PKD2L1: variants seen among roughly 807,000 people sequenced by gnomAD.
PKD2L1 encodes the protein polycystin-2-like protein 1.
A neutral mutation model predicts 93.0 loss-of-function variants in PKD2L1; 77 were observed. That is an observed-to-expected ratio of 0.83 (90% CI 0.69 to 1.00). The LOEUF (loss-of-function observed/expected upper bound fraction) is 1.00, where lower values mean the gene tolerates loss of function less well. Among genes scored for constraint, PKD2L1 ranks in the 50% least tolerant of loss-of-function variants. The probability of loss-of-function intolerance (pLI) is 0.00; values close to 1 mark genes in which losing one functional copy is unlikely to be tolerated. For missense variants in PKD2L1, 977 were observed against 990.9 expected, an observed-to-expected ratio of 0.99 and a Z score of 0.19; for synonymous variants, 390 against 388.0, an observed-to-expected ratio of 1.01 and a Z score of -0.06.
intron 11 of PKD2L1, among the ~76,000 whole-genome samples, chr10:100,292,479 C>A (rs1447368720): frequency 6.8e-6 from 1 of 147,756 alleles, no homozygotes; most frequent in African/African-American, 2.6e-5. Context: ...GGCAACAGAG[C>A]AGGACTTTGT....
intron 2 of PKD2L1, among the ~76,000 whole-genome samples, chr10:100,321,662 GAAAAGAAAGAAAGAAAGAAA>G (rs1849230844): frequency 1.0e-5 from 1 of 99,818 alleles, no homozygotes; most frequent in Non-Finnish European, 1.9e-5. Context: ...AACAGAGTGA[GAAAAGAAAGAAAGAAAGAAA>G]GAAAGAAAGA....
At chr10:100,320,923 C>G (rs1849212647) in intron 2 of PKD2L1, among the ~76,000 whole-genome samples, 1 of 151,996 alleles carries the variant, frequency 6.6e-6, no homozygotes, top group Admixed American at 6.5e-5. Context: ...TTATCAATTC[C>G]CAAGGAAATA....
intron 2 of PKD2L1, among the ~76,000 whole-genome samples, chr10:100,328,043 G>C (rs1369726471): frequency 3.3e-5 from 5 of 152,158 alleles, no homozygotes; most frequent in African/African-American, 1.2e-4. Flanking sequence ...GCGGAGCCTA[G>C]AACACCTACT....
At chr10:100,298,846 A>G in intron 3 of PKD2L1, 31 bp from the exon 4 acceptor site, 1 of 1,591,344 alleles carries the variant, frequency 6.3e-7, no homozygotes, top group Non-Finnish European at 8.6e-7. Context: ...AACCTTACCC[A>G]GCCTCCTCCT....
At chr10:100,322,547 T>G (rs1374906432) in intron 2 of PKD2L1, among the ~76,000 whole-genome samples, 1 of 151,936 alleles carries the variant, frequency 6.6e-6, no homozygotes, top group African/African-American at 2.4e-5. Flanking sequence ...ATAATACAAC[T>G]AGGTAAGAAT....
chr10:100,292,855 TA>T, intron 11 of PKD2L1, 92 bp downstream of exon 11: 1 of 1,395,546 alleles, frequency 7.2e-7, no homozygotes, highest in African/African-American at 1.4e-5. Flanking sequence ...GCCCCTAAAC[TA>T]AAACCAAAGG....
chr10:100,311,600 G>C (rs1333690017), intron 2 of PKD2L1, among the ~76,000 whole-genome samples: 1 of 152,140 alleles, frequency 6.6e-6, no homozygotes, highest in East Asian at 1.9e-4. Flanking sequence ...GACTTCAGTC[G>C]GAAACTTTGT....
intron 2 of PKD2L1, among the ~76,000 whole-genome samples, chr10:100,306,191 A>G (rs1848795953): frequency 6.6e-6 from 1 of 152,162 alleles, no homozygotes. Context: ...GTGGGGCTCA[A>G]CAATTTGCAT....
intron 15 of PKD2L1, 32 bp downstream of exon 15, chr10:100,288,940 T>C (rs1848341601): frequency 5.5e-6 from 8 of 1,442,416 alleles, no homozygotes; most frequent in Non-Finnish European, 7.7e-6. Context: ...GAGGGAAGCC[T>C]GCTGTCTGAT....
At chr10:100,294,702 C>T (rs752603092) in intron 8 of PKD2L1, 47 bp from the exon 9 acceptor site, 8 of 1,611,884 alleles carry the variant, frequency 5.0e-6, no homozygotes, top group Non-Finnish European at 6.8e-6. Flanking sequence ...CAAACACCCC[C>T]CATCCCACTT....
intron 2 of PKD2L1, among the ~76,000 whole-genome samples, chr10:100,302,360 T>G (rs1254705110): frequency 6.6e-6 from 1 of 151,832 alleles, no homozygotes; most frequent in Non-Finnish European, 1.5e-5. Flanking sequence ...GTTGCTCAGG[T>G]TTTTTTGGCC....
At chr10:100,296,604 T>C (rs1447785607) in intron 6 of PKD2L1, among the ~76,000 whole-genome samples, 1 of 152,024 alleles carries the variant, frequency 6.6e-6, no homozygotes, top group Non-Finnish European at 1.5e-5. Flanking sequence ...TGGTCAGGAA[T>C]TGAATGTGTC....
intron 2 of PKD2L1, among the ~76,000 whole-genome samples, chr10:100,303,350 C>T (rs913005716): frequency 6.6e-6 from 1 of 152,058 alleles, no homozygotes; most frequent in South Asian, 2.1e-4. Flanking sequence ...TGCAGCACGA[C>T]GCCCGGCTAA....
intron 2 of PKD2L1, among the ~76,000 whole-genome samples, chr10:100,306,123 A>AAAAAAC (rs946977996): frequency 2.0e-5 from 3 of 152,164 alleles, no homozygotes; most frequent in South Asian, 2.1e-4. Flanking sequence ...AGATCATCTC[A>AAAAAAC]AAAAACAAAA....
intron 2 of PKD2L1, among the ~76,000 whole-genome samples, chr10:100,309,638 G>A (rs1848885463): frequency 6.6e-6 from 1 of 152,172 alleles, no homozygotes; most frequent in Non-Finnish European, 1.5e-5. Flanking sequence ...CAAATCTGCA[G>A]AGACTCCTCC....
At chr10:100,288,799 GAT>G (rs1208822757) in intron 15 of PKD2L1, among the ~76,000 whole-genome samples, 171 bp downstream of exon 15, 16 of 152,178 alleles carry the variant, frequency 1.1e-4, no homozygotes, top group African/African-American at 3.1e-4. Context: ...GCCTAAGCAT[GAT>G]GCCCACCACA....
Position 100,299,636 on chromosome 10 carries a change from A to G in PKD2L1, c.432T>C (p.Thr144=). 2 of 1,613,644 alleles carry G rather than the reference A, an allele frequency of 1.2e-6. No individual in the cohort carries two copies. Among genetic ancestry groups the G allele is most frequent in the Non-Finnish European group, 1.7e-6 (2 of 1,179,500 alleles). The change falls in exon 3 of 16, where the codon ACT becomes ACC. Residue 144 remains threonine, a synonymous_variant. Coordinates refer to ENST00000318222, the MANE Select transcript of PKD2L1 (RefSeq NM_016112.3). ...TGCTGATGGCCTGAAAGGAGACTCCAGTGTCTGATGGAGTATGTAAGAAGA... is the reference window on the plus strand; with the variant it reads ...TGCTGATGGCCTGAAAGGAGACTCCGGTGTCTGATGGAGTATGTAAGAAGA... ...SELFLHTPSD[T]GVSFQAISSM...
intron 1 of PKD2L1, among the ~76,000 whole-genome samples, chr10:100,329,549 G>A (rs1390107061): frequency 1.3e-5 from 2 of 152,190 alleles, no homozygotes; most frequent in African/African-American, 4.8e-5. Flanking sequence ...AGAGAATGAA[G>A]GCATGGAAAG....
chr10:100,293,359 G>A lies in PKD2L1; in HGVS notation c.1680C>T (p.Ile560=). The A allele has an allele frequency of 5.0e-6, 8 of 1,612,336 alleles. No individual in the cohort carries two copies. Among genetic ancestry groups the A allele is most frequent in the Non-Finnish European group, 6.8e-6 (8 of 1,178,354 alleles). The part of the protein sequence containing the change: ...FVLLNMFLAI[I]NDTYSEVKEE... ...CCTTGACCTCTGAATATGTGTCATT[G>A]ATGATGGCCAGGAACATGTTCTGGA... Residue 560 remains isoleucine, a synonymous_variant, in exon 10 of 16, where the codon ATC becomes ATT. Coordinates refer to ENST00000318222, the MANE Select transcript of PKD2L1 (RefSeq NM_016112.3).
Sources: allele counts gnomAD v4.1 joint callset (sites outside exome capture counted in the v4.1 genomes callset), GRCh38; gene constraint gnomAD v4.1.1; transcripts MANE v1.5; gene names NCBI Gene and HGNC (gene_info 2026-07-23, HGNC 2026-07-21).